The following BCKDHB variants were observed in gnomAD, a reference collection of about 807,000 sequenced individuals.
BCKDHB encodes branched chain keto acid dehydrogenase E1 subunit beta, also known as 2-oxoisovalerate dehydrogenase subunit beta, mitochondrial.
A neutral mutation model predicts 48.5 loss-of-function variants in BCKDHB; 41 were observed. That is an observed-to-expected ratio of 0.85 (90% CI 0.66 to 1.10). BCKDHB has a LOEUF of 1.10. BCKDHB is among the 50% of genes least tolerant of loss of function. BCKDHB has a pLI of 0.00. For synonymous variants in BCKDHB, 201 were observed against 174.8 expected (o/e 1.15, Z -1.18); for missense variants, 496 against 494.2 (o/e 1.00, Z -0.03).
At chr6:80,296,692 T>C (rs548272399) in intron 9 of BCKDHB, among the ~76,000 whole-genome samples, 1 of 152,308 alleles carries the variant, frequency 6.6e-6, no homozygotes, top group East Asian at 1.9e-4. Flanking sequence ...ATGAAAAACC[T>C]GTTGTGCTTT....
chr6:80,207,453 A>G (rs1774719437), intron 8 of BCKDHB, among the ~76,000 whole-genome samples: 1 of 151,902 alleles, frequency 6.6e-6, no homozygotes, highest in African/African-American at 2.4e-5. Flanking sequence ...ATATTTGGTT[A>G]ATCCAAAATA....
the BCKDHB span, among the ~76,000 whole-genome samples, chr6:80,452,830 C>G: frequency 6.6e-6 from 1 of 152,306 alleles, no homozygotes; most frequent in South Asian, 2.1e-4. Flanking sequence ...TCTCAGGAAA[C>G]AGAGCTATCT....
chr6:80,111,447 C>T (rs976694491), intron 1 of BCKDHB, among the ~76,000 whole-genome samples: 8 of 152,180 alleles, frequency 5.3e-5, no homozygotes, highest in Admixed American at 2.0e-4. Flanking sequence ...CTGATGCTCT[C>T]GCATTTTTGG....
the BCKDHB span, among the ~76,000 whole-genome samples, chr6:80,395,918 A>T: frequency 6.6e-6 from 1 of 152,206 alleles, no homozygotes. Flanking sequence ...ATTGCTTCAG[A>T]GAGTACAAAC....
intron 1 of BCKDHB, among the ~76,000 whole-genome samples, chr6:80,118,712 T>C (rs1270159228): frequency 2.0e-5 from 3 of 152,192 alleles, no homozygotes; most frequent in African/African-American, 7.2e-5. Flanking sequence ...TTGTAAGTCC[T>C]TTGTTGTCAT....
chr6:80,341,387 A>G (rs1187681856), intron 9 of BCKDHB, among the ~76,000 whole-genome samples: 1 of 152,182 alleles, frequency 6.6e-6, no homozygotes. Context: ...CCAAAACAAT[A>G]TATTATAAAG....
the BCKDHB span, among the ~76,000 whole-genome samples, chr6:80,412,888 G>C: frequency 6.6e-6 from 1 of 152,136 alleles, no homozygotes; most frequent in Non-Finnish European, 1.5e-5. Context: ...TCTTATGAAG[G>C]TTCCCTTGAA....
chr6:80,265,976 A>C (rs530893892), intron 8 of BCKDHB, among the ~76,000 whole-genome samples: 1 of 152,056 alleles, frequency 6.6e-6, no homozygotes, highest in South Asian at 2.1e-4. Flanking sequence ...GGCTTTAGTT[A>C]TGTGGTACTT....
the BCKDHB span, among the ~76,000 whole-genome samples, chr6:80,376,992 TG>T: frequency 6.6e-6 from 1 of 152,126 alleles, no homozygotes; most frequent in Admixed American, 6.6e-5. Context: ...TTCTGTGGAT[TG>T]TCTTTTCACT....
chr6:80,431,233 C>T, the BCKDHB span, among the ~76,000 whole-genome samples: 1 of 152,138 alleles, frequency 6.6e-6, no homozygotes, highest in Non-Finnish European at 1.5e-5. Flanking sequence ...GAGTGTTTTA[C>T]TTCCAATTAT....
At chr6:80,170,910 C>T (rs1283577577) in intron 5 of BCKDHB, among the ~76,000 whole-genome samples, 1 of 151,970 alleles carries the variant, frequency 6.6e-6, no homozygotes, top group African/African-American at 2.4e-5. Context: ...AAAGTAGAAA[C>T]AGATTATTAG....
chr6:80,466,341 G>A, the BCKDHB span, among the ~76,000 whole-genome samples: 1 of 152,134 alleles, frequency 6.6e-6, no homozygotes, highest in Non-Finnish European at 1.5e-5. Context: ...AATAAGACAT[G>A]TAGGCATTTG....
At chr6:80,216,623 T>C (rs765952952) in intron 8 of BCKDHB, among the ~76,000 whole-genome samples, 1 of 152,202 alleles carries the variant, frequency 6.6e-6, no homozygotes, top group East Asian at 1.9e-4. Context: ...CTGTTACGAA[T>C]AGCAGTGAAA....
At chr6:80,397,283 A>G in the BCKDHB span, among the ~76,000 whole-genome samples, 31 of 152,028 alleles carry the variant, frequency 2.0e-4, no homozygotes, top group Admixed American at 1.6e-3. Context: ...TGTGACAATC[A>G]CTTATATACC....
the BCKDHB span, among the ~76,000 whole-genome samples, chr6:80,402,793 T>C: frequency 2.0e-5 from 3 of 151,808 alleles, no homozygotes; most frequent in African/African-American, 7.2e-5. Flanking sequence ...TGGTGTAAGA[T>C]ATGAATTCAA....
At chr6:80,423,986 C>T in the BCKDHB span, among the ~76,000 whole-genome samples, 1 of 152,082 alleles carries the variant, frequency 6.6e-6, no homozygotes, top group African/African-American at 2.4e-5. Context: ...GCTATCAGTT[C>T]TGGAATGCTG....
the BCKDHB span, among the ~76,000 whole-genome samples, chr6:80,436,431 G>A: frequency 6.8e-4 from 104 of 151,890 alleles, no homozygotes; most frequent in African/African-American, 2.3e-3. Context: ...TACTGGGCCC[G>A]GCCAAAATTC....
At chr6:80,401,297 C>T in the BCKDHB span, among the ~76,000 whole-genome samples, 1 of 151,720 alleles carries the variant, frequency 6.6e-6, no homozygotes, top group Non-Finnish European at 1.5e-5. Flanking sequence ...TTAATATATG[C>T]CTCTCAATGA....
intron 8 of BCKDHB, among the ~76,000 whole-genome samples, chr6:80,223,659 A>G (rs907627509): frequency 1.3e-5 from 2 of 152,198 alleles, no homozygotes; most frequent in African/African-American, 4.8e-5. Context: ...ATTGGTGGGC[A>G]GGAAAAAAGG....
Sources: gnomAD v4.1 joint callset for allele counts (sites outside exome capture counted in the v4.1 genomes callset) on GRCh38, gnomAD v4.1.1 for gene constraint, MANE v1.5 for transcripts, NCBI Gene and HGNC (gene_info 2026-07-23, HGNC 2026-07-21) for gene names.